Variants in UBE4A observed in about 807,000 individuals in gnomAD.
The protein encoded by UBE4A is ubiquitination factor E4A.
In UBE4A, 48 loss-of-function variants were observed where a neutral mutation model predicts 117.9. That is an observed-to-expected ratio of 0.41 (90% CI 0.32 to 0.52). The LOEUF is 0.52. Ranked by LOEUF, UBE4A falls within the 20% of genes least tolerant of loss-of-function variation. The pLI is 0.33. For synonymous variants in UBE4A, 407 were observed against 450.0 expected (o/e 0.90, Z 1.21); for missense variants, 1,067 against 1,296.3 (o/e 0.82, Z 2.72).
chr11:118,361,169 G>T (rs1482767095), intron 1 of UBE4A, among the ~76,000 whole-genome samples: 1 of 151,842 alleles, frequency 6.6e-6, no homozygotes, highest in Non-Finnish European at 1.5e-5. Flanking sequence ...GCCTGGCTAA[G>T]GTGTGGTGGT....
intron 11 of UBE4A, 106 bp from the exon 12 acceptor site, chr11:118,381,285 G>T: frequency 1.4e-6 from 2 of 1,383,500 alleles, no homozygotes; most frequent in Middle Eastern, 2.1e-4. Flanking sequence ...AAACATTTAG[G>T]GTTTTTTTTA....
At chr11:118,393,560 A>C (rs1948839669) in intron 19 of UBE4A, among the ~76,000 whole-genome samples, 1 of 151,830 alleles carries the variant, frequency 6.6e-6, no homozygotes, top group South Asian at 2.1e-4. Flanking sequence ...CAGCCTCCCA[A>C]AGTACTGGGA....
In UBE4A at chr11:118,376,567, C is replaced by G. The variant is rs548343; in HGVS notation, c.1451-7C>G. 2.5e-6 allele frequency: 4 copies of G among 1,591,652 alleles called. No homozygotes were observed. Among genetic ancestry groups the G allele is most frequent in the South Asian group, 1.1e-5 (1 of 87,756 alleles). On this transcript the variant is annotated splice_polypyrimidine_tract_variant and splice_region_variant and intron_variant, in intron 9 of 19. Coordinates refer to ENST00000252108, the MANE Select transcript of UBE4A (RefSeq NM_001204077.2). ...TTACCCTCTTTTTTTTTTTTAACTT[C>G]TTTGAGGTTTGGACAAAGAAACCTG...
In UBE4A at chr11:118,373,648, C is replaced by G. The variant is rs1948627673; in HGVS notation, c.1079C>G (p.Pro360Arg). 2 of 1,613,990 alleles carry G rather than the reference C, an allele frequency of 1.2e-6. No individual in the cohort carries two copies. The highest frequency in any genetic ancestry group is 1.7e-6 in the Non-Finnish European group (2 of 1,180,014). Residue 360 changes from proline (P) to arginine (R), a missense_variant, in exon 8 of 20, where the codon CCC becomes CGC. Physicochemically the swap from Pro to Arg is moderately radical, Grantham distance 103. Transcript: ENST00000252108. The stretch of plus-strand genomic sequence containing the variant: ...TTTTTGAATCCATCTCGTTCCAGCC[C>G]CCAGGAGATCAAAGTACAGGAGGCC... ...GYFLNPSRSS[P>R]QEIKVQEANI...
chr11:118,396,498 T>G lies in UBE4A; in HGVS notation c.*58T>G. 6.4e-7 allele frequency: 1 copy of G among 1,561,814 alleles called. No homozygotes were observed. Among genetic ancestry groups the G allele is most frequent in the Non-Finnish European group, 8.6e-7 (1 of 1,159,146 alleles). ...CAGAGTGCAGATAAACAATTGTTTG[T>G]GGTTTCTCTCTTTCTGGTTCTGTTC... On this transcript the variant is annotated 3_prime_UTR_variant, in exon 20 of 20. Coordinates refer to ENST00000252108, the MANE Select transcript of UBE4A (RefSeq NM_001204077.2).
At chr11:118,392,340 C>T (rs1211105181) in intron 18 of UBE4A, among the ~76,000 whole-genome samples, 4 of 152,206 alleles carry the variant, frequency 2.6e-5, no homozygotes, top group Admixed American at 2.6e-4. Flanking sequence ...TTTTCATACG[C>T]AGGCTGCATG....
intron 10 of UBE4A, among the ~76,000 whole-genome samples, chr11:118,377,142 T>A (rs1948659853): frequency 6.6e-6 from 1 of 152,236 alleles, no homozygotes; most frequent in African/African-American, 2.4e-5. Flanking sequence ...AGGGGCATTG[T>A]ATGAATTTAC....
intron 1 of UBE4A, among the ~76,000 whole-genome samples, chr11:118,363,836 T>G (rs1948541927): frequency 6.6e-6 from 1 of 152,158 alleles, no homozygotes; most frequent in Non-Finnish European, 1.5e-5. Context: ...CAGGCTGGTC[T>G]TGAACTCCTG....
At position 118,398,840 on chromosome 11, in the gene UBE4A, A is replaced by G. The variant is rs1409840916; in HGVS notation, c.*2400A>G. On this transcript the variant is annotated 3_prime_UTR_variant, in exon 20 of 20. Coordinates refer to ENST00000252108, the MANE Select transcript of UBE4A (RefSeq NM_001204077.2). ...TTAATGGATATGTGAAAACTGAAGG[A>G]AATGTTAAAGGTTTTTTAATGGTGC... 1 of 181,074 alleles carries G rather than the reference A, an allele frequency of 5.5e-6. No homozygotes were observed. Among genetic ancestry groups the G allele is most frequent in the Admixed American group, 5.9e-5 (1 of 16,896 alleles). The allele number at this position is 181,074 out of a possible 1,614,324, so 11.2% of individuals were successfully genotyped here. A position where few individuals can be genotyped will look rare whatever the true frequency, so the allele number is the denominator to read the frequency against.
rs782632093 is a variant in UBE4A, at chr11:118,382,783, C to T, written c.2197+7C>T. 5 of 1,566,116 alleles carry T rather than the reference C, an allele frequency of 3.2e-6. No individual in the cohort carries two copies. In the East Asian group the frequency reaches 9.3e-5, roughly 29 times the overall value. On this transcript the variant is annotated splice_region_variant and intron_variant, in intron 13 of 19. Transcript: ENST00000252108. ...GTGGACATCGAATTTACAGGTAAAG[C>T]AGTCATGAAGCTGAGCCCAGAACTG...
At chr11:118,394,416 C>T (rs1400734782) in intron 19 of UBE4A, among the ~76,000 whole-genome samples, 4 of 152,194 alleles carry the variant, frequency 2.6e-5, no homozygotes, top group Non-Finnish European at 5.9e-5. Flanking sequence ...CTCACATCAG[C>T]CTCCCAAAGT....
At chr11:118,379,382 G>A in intron 10 of UBE4A, 64 bp from the exon 11 acceptor site, 1 of 1,497,608 alleles carries the variant, frequency 6.7e-7, no homozygotes, top group South Asian at 1.2e-5. Context: ...AAATAATTGA[G>A]GATTTGTTTT....
At chr11:118,377,949 G>A (rs1276135295) in intron 10 of UBE4A, among the ~76,000 whole-genome samples, 2 of 148,676 alleles carry the variant, frequency 1.3e-5, no homozygotes, top group Non-Finnish European at 3.0e-5. Context: ...TACTCCTGGT[G>A]ATAAAAGATG....
chr11:118,376,437 T>C (rs552117918), intron 9 of UBE4A, 137 bp from the exon 10 acceptor site: 7 of 1,260,230 alleles, frequency 5.6e-6, no homozygotes, highest in South Asian at 5.3e-5. Context: ...CCAAAAGATA[T>C]ATTCAGACAA....
In UBE4A at chr11:118,369,045, A is replaced by G. The variant is rs1214304685; in HGVS notation, c.295+241A>G. On this transcript the variant is annotated intron_variant, in intron 3 of 19. Transcript: ENST00000252108. ...CACTATATAGCTACTTGCCTTTACT[A>G]CCTTAAAAAGGAAATGGGAAGGGTA... Among the ~76,000 whole-genome samples the G allele has an allele frequency of 2.0e-5, 3 of 152,176 alleles. No homozygotes were observed. In the East Asian group the frequency reaches 5.8e-4, roughly 29 times the overall value.
chr11:118,371,761 A>G lies in UBE4A; in HGVS notation c.561+95A>G. On this transcript the variant is annotated intron_variant, in intron 5 of 19. Transcript: ENST00000252108. ...TGGATCAGTCTTTATTTCAATTTAT[A>G]TATGTCATAGTATGTCTAGAAGTGA... The G allele has an allele frequency of 6.7e-6, 9 of 1,336,804 alleles. No homozygotes were observed. The South Asian group carries it at 1.2e-4, about 18-fold the overall frequency. 82.8% of individuals were successfully genotyped at this position (1,336,804 alleles called of 1,614,324 possible).
chr11:118,387,896 A>G (rs1948774207), intron 16 of UBE4A, among the ~76,000 whole-genome samples: 1 of 152,204 alleles, frequency 6.6e-6, no homozygotes, highest in South Asian at 2.1e-4. Flanking sequence ...GCCACTACAT[A>G]GCAGGCCTGT....
intron 4 of UBE4A, 110 bp downstream of exon 4, chr11:118,369,645 T>C: frequency 6.8e-6 from 4 of 587,832 alleles, no homozygotes; most frequent in South Asian, 2.1e-5. Flanking sequence ...CATCCCTCTC[T>C]CTTTTTTTTT....
chr11:118,361,952 A>G (rs563445071), intron 1 of UBE4A, among the ~76,000 whole-genome samples: 5 of 152,372 alleles, frequency 3.3e-5, no homozygotes, highest in East Asian at 1.9e-4. Flanking sequence ...CAGCCTAGCA[A>G]TGTAGAAGAT....
Sources: gnomAD v4.1 joint callset for allele counts (sites outside exome capture counted in the v4.1 genomes callset) on GRCh38, gnomAD v4.1.1 for gene constraint, MANE v1.5 for transcripts, NCBI Gene and HGNC (gene_info 2026-07-23, HGNC 2026-07-21) for gene names.